Variants in KCTD2 observed in about 807,000 individuals in gnomAD.
KCTD2 encodes BTB/POZ domain-containing protein KCTD2.
In KCTD2, 18 loss-of-function variants were observed where a neutral mutation model predicts 27.9. The ratio of observed to expected loss-of-function variants is 0.64; its 90% CI spans 0.45 to 0.96. The LOEUF is 0.96. Among genes scored for constraint, KCTD2 ranks in the 40% least tolerant of loss-of-function variants. The pLI, the probability that KCTD2 is intolerant of heterozygous loss-of-function variation, is 0.00. For synonymous variants in KCTD2, 175 were observed against 148.4 expected, an observed-to-expected ratio of 1.18 and a Z score of -1.30; for missense variants, 280 against 348.0, an observed-to-expected ratio of 0.80 and a Z score of 1.56.
chr17:75,046,577 T>G (rs1364211555), upstream of KCTD2, among the ~76,000 whole-genome samples: 2 of 152,182 alleles, frequency 1.3e-5, no homozygotes, highest in Non-Finnish European at 2.9e-5. Flanking sequence ...CAGCTGAGCG[T>G]CCCTCGGCAG....
At position 75,040,324 on chromosome 17, in the gene KCTD2, A is replaced by C. The variant is rs1029631894; in HGVS notation, c.-259+4967A>C. ...GTGTCCCAAGCGGAAACGAATACGCATCTCAATACTGGAGTAGAAAGAATA... is the reference window on the plus strand; with the variant it reads ...GTGTCCCAAGCGGAAACGAATACGCCTCTCAATACTGGAGTAGAAAGAATA... On this transcript the variant is annotated intron_variant, in intron 3 of 7. Transcript: ENST00000581589. 3 of 743,268 alleles carry C rather than the reference A, an allele frequency of 4.0e-6. No homozygotes were observed. The South Asian group carries it at 4.9e-5, about 12-fold the overall frequency. The allele number at this position is 743,268 out of a possible 1,614,324, so 46.0% of individuals were successfully genotyped here. A position where few individuals can be genotyped will look rare whatever the true frequency, so the allele number is the denominator to read the frequency against.
chr17:75,039,106 G>C (rs548865959), intron 3 of KCTD2: 10 of 1,612,116 alleles, frequency 6.2e-6, no homozygotes, highest in Non-Finnish European at 8.5e-6. Context: ...AAACAGAGAC[G>C]GAAAGCAGAA....
chr17:75,057,120 A>G (rs1184482171), intron 3 of KCTD2, among the ~76,000 whole-genome samples: 1 of 151,512 alleles, frequency 6.6e-6, no homozygotes, highest in African/African-American at 2.4e-5. Flanking sequence ...CGCCCGGCTA[A>G]TTTTTGTATT....
intron 3 of KCTD2, chr17:75,036,023 A>T (rs966749090): frequency 2.2e-6 from 1 of 454,478 alleles, no homozygotes. Context: ...GTGTACTTGG[A>T]CATAGGGGAG....
chr17:75,052,456 T>C (rs1415230349), intron 2 of KCTD2, among the ~76,000 whole-genome samples: 1 of 152,142 alleles, frequency 6.6e-6, no homozygotes, highest in Non-Finnish European at 1.5e-5. Context: ...TGCGGTGGCT[T>C]TACGCCTGTA....
chr17:75,053,390 G>A (rs1006676680), intron 3 of KCTD2, among the ~76,000 whole-genome samples: 4 of 152,102 alleles, frequency 2.6e-5, no homozygotes, highest in East Asian at 1.9e-4. Flanking sequence ...TTCTCTGCCC[G>A]AGTATGTCTC....
At chr17:75,039,285 G>C in intron 3 of KCTD2, 4 of 1,613,488 alleles carry the variant, frequency 2.5e-6, no homozygotes, top group Middle Eastern at 3.3e-4. Flanking sequence ...TAAGAAGAAA[G>C]AGAAATTCAG....
upstream of KCTD2, chr17:75,042,686 G>C (rs200078977): frequency 6.3e-7 from 1 of 1,584,068 alleles, no homozygotes; most frequent in Non-Finnish European, 8.5e-7. Flanking sequence ...ATAAAAACAA[G>C]GCTTTTTTAT....
intron 3 of KCTD2, chr17:75,036,213 C>A (rs1388975284): frequency 3.5e-6 from 1 of 287,668 alleles, no homozygotes; most frequent in Non-Finnish European, 7.2e-6. Context: ...GCCACTGGGC[C>A]CGGCCAGGGA....
At position 75,059,571 on chromosome 17, in the gene KCTD2, T is replaced by C. The variant is rs748107403; in HGVS notation, c.602T>C (p.Val201Ala). ...CAGGAAGAAGAGCTCACGCAGATGG[T>C]GTCCACGATGTCCGACGGCTGGAAA... ...QCQEEELTQM[V>A]STMSDGWKFE... Residue 201 changes from valine (V) to alanine (A), a missense_variant, in exon 4 of 6, where the codon GTG becomes GCG. Coordinates refer to ENST00000322444, the MANE Select transcript of KCTD2 (RefSeq NM_015353.3). 1 of 1,614,126 alleles carries C rather than the reference T, an allele frequency of 6.2e-7. No homozygotes were observed. Among genetic ancestry groups the C allele is most frequent in the Non-Finnish European group, 8.5e-7 (1 of 1,179,998 alleles).
chr17:75,045,837 G>A (rs1366137670), upstream of KCTD2, among the ~76,000 whole-genome samples: 2 of 152,184 alleles, frequency 1.3e-5, no homozygotes, highest in African/African-American at 4.8e-5. Context: ...AGACAAGACA[G>A]GCATAGGAAA....
At position 75,047,509 on chromosome 17, in the gene KCTD2, A is replaced by G; in HGVS notation, c.259A>G (p.Arg87Gly). The G allele has an allele frequency of 6.2e-7, 1 of 1,610,856 alleles. No homozygotes were observed. The highest frequency in any genetic ancestry group is 1.3e-5 in the African/African-American group (1 of 74,884). The change falls in exon 1 of 6, where the codon AGA becomes GGA. Residue 87 changes from arginine (R) to glycine (G), a missense_variant. Coordinates refer to ENST00000322444, the MANE Select transcript of KCTD2 (RefSeq NM_015353.3). ...NVGGTYFVTT[R>G]QTLGREPKSF... The stretch of plus-strand genomic sequence containing the variant: ...GGGAGGCACCTACTTCGTGACCACC[A>G]GACAGACCTTAGGCCGGGAGCCCAA...
At chr17:75,057,018 G>A (rs1254442111) in intron 3 of KCTD2, among the ~76,000 whole-genome samples, 2 of 141,644 alleles carry the variant, frequency 1.4e-5, no homozygotes, top group Non-Finnish European at 1.5e-5. Context: ...GCAGTGATGC[G>A]ATCTCAGCTC....
chr17:75,046,652 G>A (rs904930527), upstream of KCTD2, among the ~76,000 whole-genome samples: 2 of 152,246 alleles, frequency 1.3e-5, no homozygotes, highest in Admixed American at 6.5e-5. Flanking sequence ...TGCCGCGCTG[G>A]GAGCGGACTG....
intron 3 of KCTD2, among the ~76,000 whole-genome samples, chr17:75,057,224 G>C (rs919195288): frequency 1.3e-5 from 2 of 152,050 alleles, no homozygotes; most frequent in African/African-American, 4.8e-5. Context: ...AAAGTGCTGG[G>C]ATTACAGGCG....
chr17:75,049,473 A>G, intron 2 of KCTD2, 145 bp downstream of exon 2: 2 of 566,262 alleles, frequency 3.5e-6, no homozygotes, highest in South Asian at 4.8e-5. Context: ...AGAAACTACC[A>G]GTCTTGTCTG....
At chr17:75,035,014 C>T (rs1479180278) in intron 2 of KCTD2, among the ~76,000 whole-genome samples, 3 of 152,266 alleles carry the variant, frequency 2.0e-5, no homozygotes, top group East Asian at 1.9e-4. Flanking sequence ...GTGAGCGCTT[C>T]GCTCAACAGG....
chr17:75,047,260 C>G lies in KCTD2; in HGVS notation c.10C>G (p.Leu4Val), dbSNP rs959611718. 6 of 912,960 alleles carry G rather than the reference C, an allele frequency of 6.6e-6. No homozygotes were observed. In the East Asian group the frequency reaches 2.7e-4, roughly 41 times the overall value. 56.6% of individuals were successfully genotyped at this position (912,960 alleles called of 1,614,324 possible). ...GCGGCGGCGGTCCAAGATGGCGGAA[C>G]TGCAGCTGGACCCGGCGATGGCGGG... Reference protein sequence around the residue: MAELQLDPAMAGLG... With the variant: MAEVQLDPAMAGLG... The change falls in exon 1 of 6, where the codon CTG becomes GTG. Residue 4 changes from leucine to valine, a missense_variant. Leu to Val is a conservative substitution (Grantham distance 32). Transcript: ENST00000322444.
intron 3 of KCTD2, chr17:75,039,053 A>T: frequency 6.2e-7 from 1 of 1,613,998 alleles, no homozygotes; most frequent in Non-Finnish European, 8.5e-7. Flanking sequence ...TAAGTTCTTC[A>T]TCTTCTCCAT....
Sources: gnomAD v4.1 joint callset for allele counts (sites outside exome capture counted in the v4.1 genomes callset) on GRCh38, gnomAD v4.1.1 for gene constraint, MANE v1.5 for transcripts, NCBI Gene and HGNC (gene_info 2026-07-23, HGNC 2026-07-21) for gene names.